The following ENDOV variants were observed in gnomAD, a reference collection of about 807,000 sequenced individuals.
ENDOV encodes hEndoV.
Under a neutral mutation model 39.4 loss-of-function variants are expected in ENDOV, and 37 were observed. The ratio of observed to expected loss-of-function variants is 0.94; its 90% CI spans 0.72 to 1.23. The LOEUF is 1.23. ENDOV is among the 50% of genes most tolerant of loss of function. The pLI is 0.00. For synonymous variants in ENDOV, 186 were observed against 163.4 expected, an observed-to-expected ratio of 1.14 and a Z score of -1.05; for missense variants, 441 against 375.7, an observed-to-expected ratio of 1.17 and a Z score of -1.44.
Position 80,416,450 on chromosome 17 carries a change from C to G in ENDOV, c.228+629C>G, listed in dbSNP as rs76473598. Among the ~76,000 whole-genome samples, 1,453 of 152,168 alleles carry G rather than the reference C, an allele frequency of 9.5e-3. 15 individuals are homozygous for G. Among genetic ancestry groups the G allele is most frequent in the Non-Finnish European group, 0.015 (997 of 67,994 alleles). ...TCCTCCTGGGCCCCTCCGTTCCTCT[C>G]GCGTCCAGTTGCACACTAGCTCGCT... On this transcript the variant is annotated intron_variant, in intron 2 of 9. Transcript: ENST00000518137.
At chr17:80,425,347 G>T (rs1184907921) in intron 6 of ENDOV, 145 bp from the exon 7 acceptor site, 2 of 1,256,368 alleles carry the variant, frequency 1.6e-6, no homozygotes, top group Non-Finnish European at 2.2e-6. Context: ...CTGAGGGTGG[G>T]CAGGCCCTGG....
chr17:80,430,721 CAGGCTCTGTGCCCGGCGGGGGCT>C (rs2083282526), intron 9 of ENDOV, among the ~76,000 whole-genome samples: 1 of 152,168 alleles, frequency 6.6e-6, no homozygotes, highest in East Asian at 1.9e-4. Flanking sequence ...GGTTGGGTGC[CAGGCTCTGTGCCCGGCGGGGGCT>C]AGGATCGGGG....
chr17:80,427,602 G>C (rs921390192), intron 7 of ENDOV: 1 of 1,127,910 alleles, frequency 8.9e-7, no homozygotes, highest in African/African-American at 1.6e-5. Context: ...GCCGAGGATC[G>C]TGTCCTGCAG....
chr17:80,416,418 A>G (rs1268198716), intron 2 of ENDOV, among the ~76,000 whole-genome samples: 2 of 151,956 alleles, frequency 1.3e-5, no homozygotes, highest in Non-Finnish European at 2.9e-5. Flanking sequence ...CAAGCTGGAG[A>G]TCTGCATCCT....
chr17:80,429,919 A>G (rs760691019), intron 9 of ENDOV, 88 bp downstream of exon 9: 1 of 1,605,944 alleles, frequency 6.2e-7, no homozygotes, highest in East Asian at 2.2e-5. Flanking sequence ...AAGGACTGGC[A>G]GTAGGGTGGA....
chr17:80,423,399 T>A (rs2082305093), intron 4 of ENDOV, 121 bp from the exon 5 acceptor site: 6 of 946,848 alleles, frequency 6.3e-6, no homozygotes, highest in African/African-American at 5.0e-5. Context: ...TCCCCAGCCC[T>A]CTGCCTGTCC....
rs41299330 is a variant in ENDOV, at chr17:80,415,173, A to G, written c.-22A>G. 45 of 1,607,942 alleles carry G rather than the reference A, an allele frequency of 2.8e-5. No individual in the cohort carries two copies. The Admixed American group carries it at 4.2e-4, about 15-fold the overall frequency. ...AGTCGCTTCCGGAAGTGACGTGCGG[A>G]AGGGGTGCCCGGGACGAAGCCATGG... is the stretch of plus-strand genomic sequence containing the variant. On this transcript the variant is annotated 5_prime_UTR_variant, in exon 1 of 10. Coordinates refer to ENST00000518137, the MANE Select transcript of ENDOV (RefSeq NM_173627.5).
intron 9 of ENDOV, 84 bp downstream of exon 9, chr17:80,429,915 T>A: frequency 6.2e-7 from 1 of 1,608,286 alleles, no homozygotes; most frequent in Non-Finnish European, 8.5e-7. Context: ...GGGCAAGGAC[T>A]GGCAGTAGGG....
In ENDOV at chr17:80,423,619, T is replaced by C; in HGVS notation, c.503T>C (p.Leu168Pro). 1 of 1,551,974 alleles carries C rather than the reference T, an allele frequency of 6.4e-7. No individual in the cohort carries two copies. The highest frequency in any genetic ancestry group is 8.7e-7 in the Non-Finnish European group (1 of 1,148,382). Residue 168 changes from leucine (L) to proline (P), a missense_variant, in exon 5 of 10, where the codon CTG (leucine) becomes CCG (proline). By Grantham distance (98) the Leu-to-Pro change is moderately conservative. Coordinates refer to ENST00000518137, the MANE Select transcript of ENDOV (RefSeq NM_173627.5). Reference protein sequence around the residue: ...LQVDGLENNALHKEKIRLLQT... With the variant: ...LQVDGLENNAPHKEKIRLLQT... Reference sequence around the variant, plus strand: ...GTGGATGGGCTGGAGAACAACGCCCTGCACAAGGAGAAGGTGAGGAGGGGC... The same window carrying C: ...GTGGATGGGCTGGAGAACAACGCCCCGCACAAGGAGAAGGTGAGGAGGGGC...
chr17:80,415,653 G>A lies in ENDOV; in HGVS notation c.60G>A (p.Glu20=). 1 of 1,612,208 alleles carries A rather than the reference G, an allele frequency of 6.2e-7. No individual in the cohort carries two copies. Among genetic ancestry groups the A allele is most frequent in the South Asian group, 1.1e-5 (1 of 90,662 alleles). ...PEETLSLWKR[E]QARLKAHVVD... ...TTTGACGCTTCTGTCCTCCTAGGGAGCAAGCTCGGCTGAAGGCCCACGTCG... is the reference window on the plus strand; with the variant it reads ...TTTGACGCTTCTGTCCTCCTAGGGAACAAGCTCGGCTGAAGGCCCACGTCG... The change falls in exon 2 of 10, where the codon GAG becomes GAA. Residue 20 remains glutamate, a synonymous_variant. Transcript: ENST00000518137.
intron 7 of ENDOV, 87 bp from the exon 8 acceptor site, chr17:80,428,509 G>A: frequency 7.6e-7 from 1 of 1,321,996 alleles, no homozygotes; most frequent in East Asian, 2.5e-5. Flanking sequence ...CTTCTGTGGG[G>A]GATGGAGGCA....
chr17:80,434,778 T>A (rs986398706), intron 9 of ENDOV, among the ~76,000 whole-genome samples: 1 of 152,138 alleles, frequency 6.6e-6, no homozygotes, highest in Non-Finnish European at 1.5e-5. Flanking sequence ...AGACCTCATC[T>A]CTACAGAAAA....
At chr17:80,417,465 C>G (rs1319705240) in intron 2 of ENDOV, 1 of 152,228 alleles carries the variant, frequency 6.6e-6, no homozygotes, top group Non-Finnish European at 1.5e-5. Flanking sequence ...GGGTGGCCTA[C>G]CCACAGCAGG....
chr17:80,421,528 G>C (rs1013148784), intron 2 of ENDOV, among the ~76,000 whole-genome samples: 3 of 144,320 alleles, frequency 2.1e-5, no homozygotes, highest in African/African-American at 7.8e-5. Flanking sequence ...CGGTGGGGGC[G>C]GGGTGGGGGT....
chr17:80,431,391 G>T (rs117252290), intron 9 of ENDOV, among the ~76,000 whole-genome samples: 166 of 152,282 alleles, frequency 1.1e-3, no homozygotes, highest in South Asian at 2.1e-3. Flanking sequence ...TTCCTTGATG[G>T]AGCAGACTCT....
In ENDOV at chr17:80,421,691, A is replaced by T; in HGVS notation, c.229-137A>T. On this transcript the variant is annotated intron_variant, in intron 2 of 9. Transcript: ENST00000518137. The stretch of plus-strand genomic sequence containing the variant: ...CCTTCTTCCAAACCCATCATCTCAT[A>T]GGTGAGGCAGGGAAGGGGAGCCATG... 2.6e-6 allele frequency: 3 copies of T among 1,162,684 alleles called. No homozygotes were observed. The South Asian group carries it at 4.4e-5, about 17-fold the overall frequency. The allele number at this position is 1,162,684 out of a possible 1,614,324, so 72.0% of individuals were successfully genotyped here.
rs371631942 is a variant in ENDOV, at chr17:80,425,611, C to T, written c.705C>T (p.Pro235=). 7.6e-6 allele frequency: 12 copies of T among 1,583,472 alleles called. No individual in the cohort carries two copies. The highest frequency in any genetic ancestry group is 2.3e-5 in the East Asian group (1 of 43,776). ...CCCCRFRIPE[P]VRQADICSRE... ...GCTGCAGGTTCCGGATCCCAGAGCC[C>T]GTGCGCCAGGTGGGTGTGCTGGGGA... Residue 235 remains proline (P), a synonymous_variant, in exon 7 of 10, where the codon CCC becomes CCT. Transcript: ENST00000518137.
intron 5 of ENDOV, chr17:80,424,321 G>T (rs757267317): frequency 7.5e-6 from 3 of 399,304 alleles, no homozygotes; most frequent in Admixed American, 4.4e-5. Flanking sequence ...CCAGTCCACC[G>T]CCGCCAGAAA....
chr17:80,430,131 C>T, intron 9 of ENDOV: 1 of 1,526,236 alleles, frequency 6.6e-7, no homozygotes, highest in Non-Finnish European at 8.8e-7. Flanking sequence ...CAGAGGTGAC[C>T]ACGGCCCCTC....
Sources: gnomAD v4.1 joint callset for allele counts (sites outside exome capture counted in the v4.1 genomes callset) on GRCh38, gnomAD v4.1.1 for gene constraint, MANE v1.5 for transcripts, NCBI Gene and HGNC (gene_info 2026-07-23, HGNC 2026-07-21) for gene names.